Variants in PLCXD1 observed in about 807,000 individuals in gnomAD.
PLCXD1 encodes phosphatidylinositol specific phospholipase C X domain containing 1, also known as PI-PLC X domain-containing protein 1.
PLCXD1 carries 45 observed loss-of-function variants against 37.8 expected under a neutral mutation model. That is an observed-to-expected ratio of 1.19 (90% CI 0.94 to 1.53). The LOEUF is 1.53. Ranked by LOEUF, PLCXD1 falls within the 40% of genes most tolerant of loss-of-function variation. The pLI, the probability that PLCXD1 is intolerant of heterozygous loss-of-function variation, is 0.00. For missense variants in PLCXD1, 539 were observed against 454.7 expected (o/e 1.19, Z -1.69); for synonymous variants, 246 against 206.9 (o/e 1.19, Z -1.62).
At chrX:292,773 C>A (rs767791315) in intron 5 of PLCXD1, among the ~76,000 whole-genome samples, 1 of 151,896 alleles carries the variant, frequency 6.6e-6, no homozygotes, top group Admixed American at 6.6e-5. Flanking sequence ...CCACCGCACC[C>A]GGCCAATTTT....
intron 5 of PLCXD1, 124 bp from the exon 6 acceptor site, chrX:292,911 C>G (rs759747703): frequency 3.2e-6 from 2 of 628,614 alleles, no homozygotes; most frequent in Non-Finnish European, 2.7e-6. Context: ...CTGCGCCCGG[C>G]CAGAATTTCA....
intron 2 of PLCXD1, among the ~76,000 whole-genome samples, chrX:284,877 A>G (rs1281008758): frequency 1.3e-5 from 2 of 152,168 alleles, no homozygotes; most frequent in Non-Finnish European, 2.9e-5. Context: ...TGTGCTGGAG[A>G]ACTGCCCTTT....
chrX:298,921 G>C (rs2069901861), intron 6 of PLCXD1, among the ~76,000 whole-genome samples, 176 bp from the exon 7 acceptor site: 1 of 152,164 alleles, frequency 6.6e-6, no homozygotes, highest in Non-Finnish European at 1.5e-5. Context: ...AGCATCTTTG[G>C]GGTTGTCTAC....
upstream of PLCXD1, among the ~76,000 whole-genome samples, chrX:278,490 G>T (rs1270621064): frequency 6.6e-6 from 1 of 152,118 alleles, no homozygotes; most frequent in Non-Finnish European, 1.5e-5. Context: ...TGTCATCCCA[G>T]CACTTTGGGA....
At chrX:288,990 G>A in intron 3 of PLCXD1, 121 bp downstream of exon 3, 1 of 922,734 alleles carries the variant, frequency 1.1e-6, no homozygotes, top group East Asian at 2.5e-5. Context: ...GGGCTCAGGA[G>A]GCAGGTTCCT....
At chrX:280,351 G>A (rs866313991), upstream of PLCXD1, among the ~76,000 whole-genome samples, 219 of 50,136 alleles carry the variant, frequency 4.4e-3, 3 homozygotes, top group Non-Finnish European at 6.7e-3. Flanking sequence ...GCCGTGCAGG[G>A]GGAAGGGGGG....
At chrX:287,747 T>G (rs868185090) in intron 2 of PLCXD1, among the ~76,000 whole-genome samples, 2 of 146,070 alleles carry the variant, frequency 1.4e-5, no homozygotes, top group African/African-American at 2.5e-5. Context: ...CTTAAATATA[T>G]ATATCTTAAA....
At chrX:287,258 GTAAAATA>G in intron 2 of PLCXD1, among the ~76,000 whole-genome samples, 1 of 144,394 alleles carries the variant, frequency 6.9e-6, no homozygotes, top group African/African-American at 2.5e-5. Flanking sequence ...ATAAGTAAAT[GTAAAATA>G]TAAAATATAT....
chrX:291,439 C>G (rs908486155), intron 4 of PLCXD1, 60 bp from the exon 5 acceptor site: 21 of 1,585,060 alleles, frequency 1.3e-5, no homozygotes, highest in South Asian at 2.2e-5. Flanking sequence ...AGCCGCCACA[C>G]CCCGCCTTCC....
chrX:293,321 A>G, intron 6 of PLCXD1, 103 bp downstream of exon 6: 1 of 867,176 alleles, frequency 1.2e-6, no homozygotes, highest in Non-Finnish European at 1.8e-6. Context: ...ACGTGAAAAC[A>G]ATTTAAAAGG....
chrX:289,784 T>A (rs1296082226), intron 3 of PLCXD1, among the ~76,000 whole-genome samples: 4 of 151,940 alleles, frequency 2.6e-5, no homozygotes, highest in Admixed American at 6.6e-5. Flanking sequence ...GTGCTGGGAT[T>A]ACAGGCGTCA....
At chrX:293,414 G>A (rs1478128270) in intron 6 of PLCXD1, among the ~76,000 whole-genome samples, 196 bp downstream of exon 6, 7 of 152,114 alleles carry the variant, frequency 4.6e-5, no homozygotes, top group Admixed American at 1.3e-4. Context: ...ACCTGAGGTC[G>A]GGAGTTTGAG....
At chrX:280,096 G>A (rs2069230834), upstream of PLCXD1, among the ~76,000 whole-genome samples, 2 of 152,168 alleles carry the variant, frequency 1.3e-5, no homozygotes. Flanking sequence ...TGATCCGCCC[G>A]CCTCGGCCTC....
chrX:299,517 T>TG lies in PLCXD1; in HGVS notation c.*185dup. The stretch of plus-strand genomic sequence containing the variant: ...GACTTCGCCTGTCTTCCCAGCACTT[T>TG]GGGAGGCCGAGGTGGGTGGATCATG... On this transcript the variant is annotated 3_prime_UTR_variant, in exon 7 of 7. Transcript: ENST00000381657. The TG allele has an allele frequency of 1.6e-6, 1 of 618,378 alleles. No individual in the cohort carries two copies. Among genetic ancestry groups the TG allele is most frequent in the Non-Finnish European group, 2.9e-6 (1 of 345,504 alleles). 38.3% of individuals were successfully genotyped at this position (618,378 alleles called of 1,614,324 possible). A position where few individuals can be genotyped will look rare whatever the true frequency, so the allele number is the denominator to read the frequency against.
rs1170844809 is a variant in PLCXD1 at position 301,236 on chromosome X, C to A, written c.*1901C>A. ...ACATGGCACAGTCTGGTCTCAAATT[C>A]CTGGGCTCCAGTGATCCTCCCACCT... is the stretch of plus-strand genomic sequence containing the variant. On this transcript the variant is annotated 3_prime_UTR_variant, in exon 7 of 7. Coordinates refer to ENST00000381657, the MANE Select transcript of PLCXD1 (RefSeq NM_018390.4). 1.3e-5 allele frequency: 2 copies of A among 152,116 alleles called. No individual in the cohort carries two copies. Among genetic ancestry groups the A allele is most frequent in the Non-Finnish European group, 2.9e-5 (2 of 68,032 alleles). 9.4% of individuals were successfully genotyped at this position (152,116 alleles called of 1,614,324 possible).
intron 1 of PLCXD1, among the ~76,000 whole-genome samples, 187 bp downstream of exon 1, chrX:281,871 C>T (rs2069285420): frequency 6.6e-6 from 1 of 152,054 alleles, no homozygotes; most frequent in African/African-American, 2.4e-5. Flanking sequence ...CCTCAGCCTC[C>T]TGAGTAGCTG....
chrX:293,704 C>G (rs1329839170), intron 6 of PLCXD1, among the ~76,000 whole-genome samples: 1 of 152,106 alleles, frequency 6.6e-6, no homozygotes, highest in Non-Finnish European at 1.5e-5. Context: ...TGAAAAAGAA[C>G]GAGGCTCTGA....
intron 6 of PLCXD1, among the ~76,000 whole-genome samples, chrX:296,893 TTAGGA>T (rs1188237425): frequency 1.5e-4 from 21 of 138,800 alleles, no homozygotes; most frequent in African/African-American, 4.3e-4. Context: ...CACATGGGGA[TTAGGA>T]CGTGGACATC....
At chrX:281,861 C>A (rs2069285168) in intron 1 of PLCXD1, among the ~76,000 whole-genome samples, 177 bp downstream of exon 1, 1 of 152,082 alleles carries the variant, frequency 6.6e-6, no homozygotes, top group South Asian at 2.1e-4. Context: ...CGGGTTCAAG[C>A]CTCAGCCTCC....
Sources: allele counts gnomAD v4.1 joint callset (sites outside exome capture counted in the v4.1 genomes callset), GRCh38; gene constraint gnomAD v4.1.1; transcripts MANE v1.5; gene names NCBI Gene and HGNC (gene_info 2026-07-23, HGNC 2026-07-21).